ACSM3: variants seen among roughly 807,000 people sequenced by gnomAD.
The protein encoded by ACSM3 is acyl-coenzyme A synthetase ACSM3, mitochondrial.
A neutral mutation model predicts 74.1 loss-of-function variants in ACSM3; 61 were observed. The ratio of observed to expected loss-of-function variants is 0.82; its 90% CI spans 0.67 to 1.02. ACSM3 has a LOEUF of 1.02. Among genes scored for constraint, ACSM3 ranks in the 50% least tolerant of loss-of-function variants. ACSM3 has a pLI of 0.00. For synonymous variants in ACSM3, 213 were observed against 241.5 expected, an observed-to-expected ratio of 0.88 and a Z score of 1.09; for missense variants, 660 against 697.0, an observed-to-expected ratio of 0.95 and a Z score of 0.60.
At chr16:20,687,825 T>C (rs2079580089) in intron 1 of ACSM3, among the ~76,000 whole-genome samples, 1 of 152,146 alleles carries the variant, frequency 6.6e-6, no homozygotes, top group Admixed American at 6.5e-5. Flanking sequence ...GGCTCATGCC[T>C]GTAAACCCAG....
rs146288868 is a variant in ACSM3 at position 20,764,516 on chromosome 16, G to T, written c.-52+391G>T. 2.0e-3 allele frequency among the ~76,000 whole-genome samples: 301 copies of T among 152,260 alleles called. 2 individuals are homozygous for T. The highest frequency in any genetic ancestry group is 6.9e-3 in the African/African-American group (287 of 41,536). On this transcript the variant is annotated intron_variant, in intron 1 of 13. Transcript: ENST00000289416. ...GCAGATGCAGATCACTTGAGGCCAG[G>T]AGTTCGAGACCAGCTTGGCCAACAT...
chr16:20,795,181 GTGT>G (rs369288252), intron 12 of ACSM3, among the ~76,000 whole-genome samples: 18 of 152,302 alleles, frequency 1.2e-4, no homozygotes, highest in Admixed American at 5.2e-4. Flanking sequence ...AAATGTTCAA[GTGT>G]TGTTGTTGTT....
intron 1 of ACSM3, among the ~76,000 whole-genome samples, chr16:20,701,574 T>C (rs2079712971): frequency 6.6e-6 from 1 of 152,170 alleles, no homozygotes; most frequent in Admixed American, 6.5e-5. Flanking sequence ...GTGCAGAACA[T>C]GCAGATTTGT....
At chr16:20,736,497 C>A (rs578099290) in intron 1 of ACSM3, 44 of 179,146 alleles carry the variant, frequency 2.5e-4, no homozygotes, top group Non-Finnish European at 4.2e-4. Flanking sequence ...AACAAAGTGG[C>A]AGGCAGACAG....
chr16:20,715,790 T>C (rs1478784672), intron 1 of ACSM3, among the ~76,000 whole-genome samples: 1 of 152,172 alleles, frequency 6.6e-6, no homozygotes, highest in Non-Finnish European at 1.5e-5. Context: ...CATCACTGAG[T>C]AACAAACCAT....
intron 3 of ACSM3, among the ~76,000 whole-genome samples, chr16:20,776,411 C>T (rs2080256074): frequency 1.3e-5 from 2 of 152,182 alleles, no homozygotes; most frequent in Non-Finnish European, 2.9e-5. Flanking sequence ...CCAGGAATGC[C>T]AGACATGTGT....
chr16:20,740,552 T>A (rs976321824), intron 1 of ACSM3, among the ~76,000 whole-genome samples: 1 of 152,256 alleles, frequency 6.6e-6, no homozygotes, highest in Non-Finnish European at 1.5e-5. Context: ...ATGTATTTTA[T>A]GTACATAAGC....
chr16:20,734,398 T>G (rs2079851698), intron 1 of ACSM3: 1 of 152,618 alleles, frequency 6.6e-6, no homozygotes, highest in Non-Finnish European at 1.5e-5. Flanking sequence ...CATTAAGTAT[T>G]AACATTCTAA....
chr16:20,791,784 C>T (rs1368429729), intron 10 of ACSM3, among the ~76,000 whole-genome samples: 2 of 151,974 alleles, frequency 1.3e-5, no homozygotes, highest in South Asian at 4.2e-4. Flanking sequence ...AAAAATTAGC[C>T]GGGTGTGGTG....
intron 1 of ACSM3, chr16:20,736,694 C>T (rs2079872628): frequency 1.6e-6 from 1 of 629,476 alleles, no homozygotes; most frequent in African/African-American, 1.8e-5. Context: ...TACGTAATAC[C>T]ATAAAGGCTG....
intron 1 of ACSM3, chr16:20,736,732 G>A: frequency 1.3e-6 from 1 of 764,242 alleles, no homozygotes; most frequent in South Asian, 1.9e-5. Context: ...CTGTTAACAG[G>A]GCTGCGCAAT....
chr16:20,774,850 TGTA>T (rs1045448166), intron 2 of ACSM3, among the ~76,000 whole-genome samples: 1 of 152,018 alleles, frequency 6.6e-6, no homozygotes, highest in African/African-American at 2.4e-5. Flanking sequence ...CATGGGTACT[TGTA>T]GTAGTGGCAG....
intron 1 of ACSM3, among the ~76,000 whole-genome samples, chr16:20,687,651 C>A (rs187452136): frequency 3.2e-4 from 49 of 152,140 alleles, no homozygotes; most frequent in Non-Finnish European, 5.7e-4. Flanking sequence ...GATTCAGCTA[C>A]TAGGCAAAGA....
chr16:20,682,906 C>G (rs1277536477), intron 1 of ACSM3, among the ~76,000 whole-genome samples: 1 of 152,042 alleles, frequency 6.6e-6, no homozygotes, highest in Admixed American at 6.6e-5. Flanking sequence ...TCCCCTCTTT[C>G]CTTCATTCTG....
At chr16:20,683,967 T>C (rs2152315718) in intron 1 of ACSM3, among the ~76,000 whole-genome samples, 1 of 152,280 alleles carries the variant, frequency 6.6e-6, no homozygotes, top group South Asian at 2.1e-4. Context: ...TGATTTCACA[T>C]GATCTGGCTG....
At chr16:20,682,284 C>T in intron 1 of ACSM3, 1 of 1,613,532 alleles carries the variant, frequency 6.2e-7, no homozygotes. Flanking sequence ...TCCAGCCACC[C>T]TTCACGGCTG....
At chr16:20,754,736 T>TA (rs1473272020) in intron 2 of ACSM3, among the ~76,000 whole-genome samples, 1 of 152,150 alleles carries the variant, frequency 6.6e-6, no homozygotes, top group Non-Finnish European at 1.5e-5. Context: ...CACCAACAAA[T>TA]ACCATGTGCA....
chr16:20,732,077 A>G (rs764139), intron 1 of ACSM3, among the ~76,000 whole-genome samples: 19,790 of 152,168 alleles, frequency 0.13, 1,352 homozygotes, highest in East Asian at 0.21. Context: ...TCTTGGCCCT[A>G]ATACCCATAT....
At chr16:20,682,080 G>T in intron 1 of ACSM3, 1 of 600,092 alleles carries the variant, frequency 1.7e-6, no homozygotes. Flanking sequence ...CCCATGAAAT[G>T]CTTAAAAGGT....
Sources: gnomAD v4.1 joint callset for allele counts (sites outside exome capture counted in the v4.1 genomes callset) on GRCh38, gnomAD v4.1.1 for gene constraint, MANE v1.5 for transcripts, NCBI Gene and HGNC (gene_info 2026-07-23, HGNC 2026-07-21) for gene names.